The following WDR7 variants were observed in gnomAD, a reference collection of about 807,000 sequenced individuals.
WDR7 encodes WD repeat-containing protein 7.
A neutral mutation model predicts 169.4 loss-of-function variants in WDR7; 46 were observed. That is an observed-to-expected ratio of 0.27 (90% confidence interval 0.21 to 0.35). The LOEUF (loss-of-function observed/expected upper bound fraction) is 0.35, where lower values mean the gene tolerates loss of function less well. Ranked by LOEUF, WDR7 falls within the 10% of genes least tolerant of loss-of-function variation. The pLI, the probability that WDR7 is intolerant of heterozygous loss-of-function variation, is 1.00. For synonymous variants in WDR7, 612 were observed against 666.8 expected (o/e 0.92, Z 1.27); for missense variants, 1,534 against 1,859.3 (o/e 0.83, Z 3.22).
At chr18:56,763,276 G>A (rs1451447194) in intron 16 of WDR7, among the ~76,000 whole-genome samples, 3 of 152,070 alleles carry the variant, frequency 2.0e-5, no homozygotes, top group Admixed American at 2.0e-4. Context: ...GGTTGAAAAA[G>A]TTCCATTCTA....
intron 20 of WDR7, among the ~76,000 whole-genome samples, chr18:56,827,467 G>A (rs533766056): frequency 6.6e-6 from 1 of 152,060 alleles, no homozygotes; most frequent in East Asian, 1.9e-4. Context: ...AATGTCGCCT[G>A]TTCTCATTTA....
chr18:56,701,312 G>GT (rs1180473482), intron 12 of WDR7, among the ~76,000 whole-genome samples: 1 of 152,138 alleles, frequency 6.6e-6, no homozygotes, highest in Non-Finnish European at 1.5e-5. Context: ...GGAATCTGTG[G>GT]TTTTGAGGTT....
At chr18:56,758,442 A>T (rs1415220305) in intron 15 of WDR7, among the ~76,000 whole-genome samples, 1 of 152,214 alleles carries the variant, frequency 6.6e-6, no homozygotes, top group East Asian at 1.9e-4. Context: ...CAACTGAGAC[A>T]GTCTGCCTCT....
rs2043893708 is a variant in WDR7 at position 56,756,597 on chromosome 18, A to G, written c.2004A>G (p.Lys668=). 6.3e-7 allele frequency: 1 copy of G among 1,580,348 alleles called. No homozygotes were observed. Among genetic ancestry groups the G allele is most frequent in the Admixed American group, 1.9e-5 (1 of 52,884 alleles). The change falls in exon 15 of 28, where the codon AAA becomes AAG. Residue 668 remains lysine (K), a synonymous_variant. Transcript: ENST00000254442. ...ATTTATTACAGGGAAATTTACCTAA[A>G]TATTCTCATAACTCCCTGATGGTTC... ...SEASDKGNLP[K]YSHNSLMVQA...
intron 20 of WDR7, among the ~76,000 whole-genome samples, chr18:56,865,897 C>T (rs1409233194): frequency 6.6e-6 from 1 of 151,986 alleles, no homozygotes; most frequent in Non-Finnish European, 1.5e-5. Flanking sequence ...ACATTAGATA[C>T]CATGGTCCAA....
At chr18:56,676,737 G>T (rs1220065935) in intron 2 of WDR7, among the ~76,000 whole-genome samples, 19 of 151,090 alleles carry the variant, frequency 1.3e-4, no homozygotes, top group Non-Finnish European at 2.7e-4. Context: ...TGGGAGACAG[G>T]GTCCCACTTT....
intron 20 of WDR7, among the ~76,000 whole-genome samples, chr18:56,819,003 A>G (rs1175469025): frequency 1.3e-5 from 2 of 152,306 alleles, no homozygotes; most frequent in Non-Finnish European, 2.9e-5. Flanking sequence ...TTATTATTGT[A>G]GTAATCTGGA....
intron 22 of WDR7, among the ~76,000 whole-genome samples, chr18:56,927,132 T>C (rs1370756134): frequency 6.6e-6 from 1 of 152,228 alleles, no homozygotes; most frequent in Non-Finnish European, 1.5e-5. Flanking sequence ...TTTCTTCTTA[T>C]TCTTGTGAGT....
chr18:56,775,401 A>G (rs548099117), intron 16 of WDR7, among the ~76,000 whole-genome samples: 68 of 152,260 alleles, frequency 4.5e-4, no homozygotes, highest in African/African-American at 1.5e-3. Flanking sequence ...AGTCATAATC[A>G]CTGAATTTGT....
intron 20 of WDR7, among the ~76,000 whole-genome samples, chr18:56,854,925 T>A (rs191097116): frequency 6.6e-6 from 1 of 152,216 alleles, no homozygotes; most frequent in East Asian, 1.9e-4. Flanking sequence ...TAACAAGGGC[T>A]AAGGGAGTTA....
At chr18:56,685,113 C>T (rs553925147) in intron 5 of WDR7, among the ~76,000 whole-genome samples, 3 of 152,184 alleles carry the variant, frequency 2.0e-5, no homozygotes, top group African/African-American at 7.2e-5. Flanking sequence ...GCCTAGAGAA[C>T]TATGTGATAT....
At chr18:56,764,736 G>A (rs979001723) in intron 16 of WDR7, among the ~76,000 whole-genome samples, 2 of 152,058 alleles carry the variant, frequency 1.3e-5, no homozygotes, top group African/African-American at 4.8e-5. Context: ...CTGTTGTTGG[G>A]TGGAATATTT....
chr18:56,867,330 C>A (rs957236386), intron 20 of WDR7, among the ~76,000 whole-genome samples: 2 of 152,134 alleles, frequency 1.3e-5, no homozygotes, highest in Non-Finnish European at 2.9e-5. Context: ...AGTCAGCACG[C>A]CCAGCATAAA....
intron 26 of WDR7, among the ~76,000 whole-genome samples, chr18:57,013,318 G>A (rs755605415): frequency 2.6e-5 from 4 of 152,188 alleles, no homozygotes; most frequent in African/African-American, 9.7e-5. Flanking sequence ...GCCATGGACC[G>A]GTACCAGTCC....
intron 20 of WDR7, among the ~76,000 whole-genome samples, chr18:56,824,414 C>T (rs1212754579): frequency 6.6e-6 from 1 of 152,112 alleles, no homozygotes; most frequent in African/African-American, 2.4e-5. Context: ...TGACTTTTAC[C>T]TTCTTGTATG....
chr18:56,941,552 G>A (rs1008948092), intron 25 of WDR7, among the ~76,000 whole-genome samples: 2 of 152,160 alleles, frequency 1.3e-5, no homozygotes, highest in Admixed American at 1.3e-4. Flanking sequence ...GTAGTAGAGT[G>A]GCTAGAACAT....
chr18:56,792,612 GTT>G (rs71169398), intron 19 of WDR7, among the ~76,000 whole-genome samples: 10 of 134,090 alleles, frequency 7.5e-5, no homozygotes, highest in East Asian at 2.1e-4. Flanking sequence ...TTAAATCTTT[GTT>G]TTTTTTTTTT....
At chr18:56,700,263 T>C (rs867162516) in intron 12 of WDR7, among the ~76,000 whole-genome samples, 1 of 130,802 alleles carries the variant, frequency 7.6e-6, no homozygotes, top group African/African-American at 2.8e-5. Flanking sequence ...TTTTTTTTTT[T>C]TTTTTTTTTT....
At chr18:57,007,067 C>G (rs2048070403) in intron 26 of WDR7, among the ~76,000 whole-genome samples, 1 of 151,826 alleles carries the variant, frequency 6.6e-6, no homozygotes, top group South Asian at 2.1e-4. Context: ...GCAAGCTCCA[C>G]CTCCCGGGTT....
Sources: gnomAD v4.1 joint callset for allele counts (sites outside exome capture counted in the v4.1 genomes callset) on GRCh38, gnomAD v4.1.1 for gene constraint, MANE v1.5 for transcripts, NCBI Gene and HGNC (gene_info 2026-07-23, HGNC 2026-07-21) for gene names.